The following ZCWPW2 variants were observed in gnomAD, a reference collection of about 807,000 sequenced individuals.
The protein encoded by ZCWPW2 is zinc finger CW-type and PWWP domain containing 2, also known as zinc finger CW-type PWWP domain protein 2.
In ZCWPW2, 45 loss-of-function variants were observed where a neutral mutation model predicts 46.6. The observed-to-expected ratio is 0.96, with a 90% CI of 0.76 to 1.24. The LOEUF (loss-of-function observed/expected upper bound fraction) is 1.24. Among genes scored for constraint, ZCWPW2 ranks in the 50% most tolerant of loss-of-function variants. The pLI is 0.00. For missense variants in ZCWPW2, 429 were observed against 403.9 expected, an observed-to-expected ratio of 1.06 and a Z score of -0.53; for synonymous variants, 152 against 137.1, an observed-to-expected ratio of 1.11 and a Z score of -0.76.
intron 2 of ZCWPW2, among the ~76,000 whole-genome samples, chr3:28,399,957 C>T (rs1695857750): frequency 6.6e-6 from 1 of 151,840 alleles, no homozygotes; most frequent in Non-Finnish European, 1.5e-5. Context: ...AAAAAGAATA[C>T]AGGAGGTTAG....
At chr3:28,448,541 T>TTGGGAGGCTGAC (rs1430881845) in intron 4 of ZCWPW2, among the ~76,000 whole-genome samples, 1 of 151,772 alleles carries the variant, frequency 6.6e-6, no homozygotes, top group Admixed American at 6.6e-5. Flanking sequence ...TCCCAGCATT[T>TTGGGAGGCTGAC]TGGGAGGCTG....
At chr3:28,363,059 G>T (rs1307877624) in intron 1 of ZCWPW2, among the ~76,000 whole-genome samples, 3 of 149,626 alleles carry the variant, frequency 2.0e-5, no homozygotes, top group Non-Finnish European at 4.4e-5. Flanking sequence ...GGCCTACTTG[G>T]TGGGGAGGGT....
chr3:28,447,858 A>C lies in ZCWPW2; in HGVS notation c.492+12589A>C, dbSNP rs770712384. 242 of 1,033,906 alleles carry C rather than the reference A, an allele frequency of 2.3e-4. 1 individual carries two copies. The highest frequency in any genetic ancestry group is 3.0e-4 in the Non-Finnish European group (200 of 676,688). The allele number at this position is 1,033,906 out of a possible 1,614,324, so 64.0% of individuals were successfully genotyped here. On this transcript the variant is annotated intron_variant, in intron 4 of 9. Transcript: ENST00000383768. The stretch of plus-strand genomic sequence containing the variant: ...AAGGTTGGGAAAGCACCAAATCTGC[A>C]TGTGGTGTGTGCCCAGGCAGACTTA...
chr3:28,494,563 G>A (rs928796389), intron 6 of ZCWPW2, among the ~76,000 whole-genome samples: 35 of 151,674 alleles, frequency 2.3e-4, no homozygotes, highest in Non-Finnish European at 4.3e-4. Flanking sequence ...ACATAGTGTT[G>A]GAAGTTCTGG....
In ZCWPW2 at chr3:28,525,699, C is replaced by A. The variant is rs1700830880; in HGVS notation, c.*1011C>A. ...ATAAGACACCAAACAACCAACGTGT[C>A]ACTCATTGAGTGGGTTGCTTCTTTT... On this transcript the variant is annotated 3_prime_UTR_variant, in exon 10 of 10. Coordinates refer to ENST00000383768, the MANE Select transcript of ZCWPW2 (RefSeq NM_001040432.4). 6.6e-6 allele frequency among the ~76,000 whole-genome samples: 1 copy of A among 152,178 alleles called. No homozygotes were observed. The highest frequency in any genetic ancestry group is 1.5e-5 in the Non-Finnish European group (1 of 68,022).
rs138055461 is a variant in ZCWPW2 at position 28,401,293 on chromosome 3, A to G, written c.-14+10676A>G. ...ATCTGAATACTAACATTGAATGTAAATGGCCTAAATGCTCCACTTAAGAGA... is the reference window on the plus strand; with the variant it reads ...ATCTGAATACTAACATTGAATGTAAGTGGCCTAAATGCTCCACTTAAGAGA... On this transcript the variant is annotated intron_variant, in intron 2 of 9. Transcript: ENST00000383768. Among the ~76,000 whole-genome samples the G allele has an allele frequency of 9.6e-4, 147 of 152,334 alleles. 1 individual carries two copies. Among genetic ancestry groups the G allele is most frequent in the African/African-American group, 3.5e-3 (145 of 41,588 alleles).
intron 1 of ZCWPW2, among the ~76,000 whole-genome samples, chr3:28,350,036 G>T (rs1289600157): frequency 6.6e-6 from 1 of 152,174 alleles, no homozygotes. Flanking sequence ...CTGTGTTAAT[G>T]TTATCGTTGA....
intron 1 of ZCWPW2, among the ~76,000 whole-genome samples, chr3:28,358,597 T>C (rs144026739): frequency 1.9e-3 from 293 of 152,298 alleles, no homozygotes; most frequent in African/African-American, 6.6e-3. Flanking sequence ...GGAATTTTAC[T>C]AGAATACATT....
At chr3:28,469,774 A>G (rs1405724509) in intron 4 of ZCWPW2, among the ~76,000 whole-genome samples, 1 of 151,894 alleles carries the variant, frequency 6.6e-6, no homozygotes, top group African/African-American at 2.4e-5. Flanking sequence ...ACCCAGATAT[A>G]TAAAGCAAAT....
At chr3:28,475,008 A>AT (rs71626520) in intron 4 of ZCWPW2, among the ~76,000 whole-genome samples, 31,705 of 151,084 alleles carry the variant, frequency 0.21, 4,071 homozygotes, top group Middle Eastern at 0.29. Flanking sequence ...TTTTATTATT[A>AT]TTTTTTTTAT....
chr3:28,402,715 G>T (rs1215134700), intron 2 of ZCWPW2, among the ~76,000 whole-genome samples: 1 of 152,014 alleles, frequency 6.6e-6, no homozygotes, highest in Non-Finnish European at 1.5e-5. Context: ...TGATCAAGTG[G>T]CATATCAGAG....
intron 6 of ZCWPW2, among the ~76,000 whole-genome samples, chr3:28,508,332 C>G (rs1700335188): frequency 6.6e-6 from 1 of 152,060 alleles, no homozygotes; most frequent in Non-Finnish European, 1.5e-5. Flanking sequence ...ATAGACAGGT[C>G]AAGACAATTA....
intron 2 of ZCWPW2, among the ~76,000 whole-genome samples, chr3:28,397,321 A>C (rs1210310874): frequency 6.6e-6 from 1 of 152,188 alleles, no homozygotes; most frequent in Non-Finnish European, 1.5e-5. Flanking sequence ...ATTTTAATTC[A>C]GGAAGAATTG....
chr3:28,422,781 GTGTT>G (rs1294550602), intron 3 of ZCWPW2, among the ~76,000 whole-genome samples: 1 of 151,980 alleles, frequency 6.6e-6, no homozygotes, highest in Non-Finnish European at 1.5e-5. Flanking sequence ...GTGTGTGTGT[GTGTT>G]TTTTTTTAAG....
chr3:28,373,502 C>T (rs536918700), intron 1 of ZCWPW2, among the ~76,000 whole-genome samples: 9 of 151,920 alleles, frequency 5.9e-5, no homozygotes, highest in Non-Finnish European at 1.0e-4. Flanking sequence ...GAGTCTCGCT[C>T]TGTTGCCCAG....
intron 1 of ZCWPW2, among the ~76,000 whole-genome samples, chr3:28,368,236 A>C (rs1163770107): frequency 1.3e-5 from 2 of 152,104 alleles, no homozygotes; most frequent in African/African-American, 4.8e-5. Context: ...GTTTCTTCCT[A>C]GCCTCGATGG....
intron 5 of ZCWPW2, among the ~76,000 whole-genome samples, chr3:28,490,303 C>T (rs1204674636): frequency 6.6e-6 from 1 of 152,102 alleles, no homozygotes; most frequent in Non-Finnish European, 1.5e-5. Context: ...TTTGACCCAG[C>T]AATCCCATTT....
intron 2 of ZCWPW2, among the ~76,000 whole-genome samples, chr3:28,391,051 A>G (rs1243074705): frequency 6.6e-6 from 1 of 152,226 alleles, no homozygotes; most frequent in Non-Finnish European, 1.5e-5. Context: ...CTGGATGTTA[A>G]TGATTGACAA....
intron 4 of ZCWPW2, among the ~76,000 whole-genome samples, chr3:28,462,906 T>C (rs996943062): frequency 2.6e-5 from 4 of 152,120 alleles, no homozygotes; most frequent in Non-Finnish European, 5.9e-5. Context: ...CTTAAGGAAA[T>C]GGGAAAGGAA....
Sources: allele counts gnomAD v4.1 joint callset (sites outside exome capture counted in the v4.1 genomes callset), GRCh38; gene constraint gnomAD v4.1.1; transcripts MANE v1.5; gene names NCBI Gene and HGNC (gene_info 2026-07-23, HGNC 2026-07-21).